Variants in HYDIN observed in about 807,000 individuals in gnomAD.
HYDIN encodes the protein axonemal central pair apparatus protein HYDIN.
A neutral mutation model predicts 403.9 loss-of-function variants in HYDIN; 132 were observed. That is an observed-to-expected ratio of 0.33 (90% CI 0.28 to 0.38). HYDIN has a LOEUF of 0.38. Ranked by LOEUF, HYDIN falls within the 10% of genes least tolerant of loss-of-function variation. The probability of loss-of-function intolerance (pLI) is 1.00; values close to 1 mark genes in which losing one functional copy is unlikely to be tolerated. For missense variants in HYDIN, 2,827 were observed against 5,009.5 expected, an observed-to-expected ratio of 0.56 and a Z score of 13.15; for synonymous variants, 1,202 against 1,891.7, an observed-to-expected ratio of 0.64 and a Z score of 9.46.
rs571695538 is a variant in HYDIN, at chr16:70,816,250, A to C, written c.14658+2092T>G. 9.3e-3 allele frequency among the ~76,000 whole-genome samples: 1,413 copies of C among 152,306 alleles called. 13 individuals carry two copies. Among genetic ancestry groups the C allele is most frequent in the Middle Eastern group, 0.088 (26 of 294 alleles). On this transcript the variant is annotated intron_variant, in intron 84 of 85. Transcript: ENST00000393567. ...ACACATTCTAGAGAACTGAAATAATATAGAATATGTTCTCAGATCACAAAG... is the reference window on the plus strand; with the variant it reads ...ACACATTCTAGAGAACTGAAATAATCTAGAATATGTTCTCAGATCACAAAG...
At chr16:71,105,177 C>G (rs1370065200) in intron 10 of HYDIN, among the ~76,000 whole-genome samples, 3 of 151,774 alleles carry the variant, frequency 2.0e-5, no homozygotes, top group African/African-American at 7.3e-5. Flanking sequence ...GATGAATACA[C>G]TGAAGAGTAG....
Position 70,920,608 on chromosome 16 carries a change from G to A in HYDIN, c.7768C>T (p.Leu2590Phe). 8.1e-6 allele frequency: 13 copies of A among 1,613,346 alleles called. No homozygotes were observed. Among genetic ancestry groups the A allele is most frequent in the Non-Finnish European group, 1.0e-5 (12 of 1,179,600 alleles). ...SWKQALESDK[L>F]PKGEQILDIL... ...GTCCATACCTGCTCTCCTTTGGGAA[G>A]CTTGTCGCTCTCTAGGGCCTGCTTC... is the stretch of plus-strand genomic sequence containing the variant. The change falls in exon 46 of 86, where the codon CTT becomes TTT. Residue 2590 changes from leucine (L) to phenylalanine (F), a missense_variant. Transcript: ENST00000393567.
intron 52 of HYDIN, among the ~76,000 whole-genome samples, chr16:70,902,821 A>ATT (rs60618592): frequency 5.9e-4 from 28 of 47,308 alleles, no homozygotes; most frequent in Admixed American, 2.5e-3. Context: ...ATATATATAT[A>ATT]TTTTTTTTTT....
In HYDIN at chr16:70,955,420, T is replaced by C. The variant is rs1451774039; in HGVS notation, c.6271A>G (p.Ile2091Val). 3.1e-6 allele frequency: 5 copies of C among 1,613,944 alleles called. No homozygotes were observed. The East Asian group carries it at 6.7e-5, about 22-fold the overall frequency. The change falls in exon 40 of 86, where the codon ATC becomes GTC. Residue 2091 changes from isoleucine (I) to valine (V), a missense_variant. Transcript: ENST00000393567. ...ACGGACTGCTCTATGGCAGCCCTGA[T>C]GCAGAGCTCACGGGCCCGGATCCCT... ...IPGIRARELC[I>V]RAAIEQSVKE...
intron 75 of HYDIN, among the ~76,000 whole-genome samples, chr16:70,843,656 C>A (rs537229692): frequency 9.3e-6 from 1 of 107,206 alleles, no homozygotes; most frequent in Non-Finnish European, 1.8e-5. Context: ...TACAGTCCCA[C>A]CAACAGTGTA....
At chr16:70,870,605 G>C (rs2143649414) in intron 65 of HYDIN, among the ~76,000 whole-genome samples, 1 of 152,210 alleles carries the variant, frequency 6.6e-6, no homozygotes, top group Non-Finnish European at 1.5e-5. Context: ...AATTGAGGTT[G>C]GGAACCTCCA....
At chr16:70,887,572 A>G (rs112673370) in intron 58 of HYDIN, among the ~76,000 whole-genome samples, 6 of 152,336 alleles carry the variant, frequency 3.9e-5, no homozygotes, top group African/African-American at 1.4e-4. Flanking sequence ...GAACTATAAG[A>G]TAAAAAATGT....
chr16:70,911,884 G>A (rs1354932259), intron 47 of HYDIN, among the ~76,000 whole-genome samples: 3 of 149,086 alleles, frequency 2.0e-5, no homozygotes, highest in African/African-American at 7.8e-5. Flanking sequence ...TTGTAAAAGA[G>A]GTTGAGTTAT....
At position 71,128,100 on chromosome 16, in the gene HYDIN, G is replaced by A. The variant is rs897974446; in HGVS notation, c.1227+1540C>T. Among the ~76,000 whole-genome samples, 4 of 152,070 alleles carry A rather than the reference G, an allele frequency of 2.6e-5. No homozygotes were observed. The Middle Eastern group carries it at 0.01, about 388-fold the overall frequency. ...ATTCTCCAAAAGGCCTGTCCTGTGA[G>A]ACTCAGGCCCAGGTTCTTCTCTCAA... On this transcript the variant is annotated intron_variant, in intron 9 of 85. Transcript: ENST00000393567.
intron 9 of HYDIN, among the ~76,000 whole-genome samples, chr16:71,129,323 G>A (rs2084609483): frequency 1.3e-5 from 2 of 150,714 alleles, no homozygotes. Context: ...ATCCTCATCT[G>A]TTGAATGGGA....
At chr16:71,004,302 G>A (rs190740922) in intron 23 of HYDIN, among the ~76,000 whole-genome samples, 1,482 of 129,390 alleles carry the variant, frequency 0.011, 26 homozygotes, top group African/African-American at 0.043. Flanking sequence ...CAACAAGAGC[G>A]AAACTCCATT....
intron 84 of HYDIN, among the ~76,000 whole-genome samples, chr16:70,813,791 CCAGCAGAA>C (rs2035658789): frequency 6.7e-6 from 1 of 148,662 alleles, no homozygotes; most frequent in African/African-American, 2.5e-5. Context: ...CTAAGATACT[CCAGCAGAA>C]CAACAATATA....
intron 7 of HYDIN, among the ~76,000 whole-genome samples, chr16:71,138,006 A>T (rs1386413600): frequency 6.6e-6 from 1 of 151,838 alleles, no homozygotes; most frequent in African/African-American, 2.4e-5. Context: ...TGTATTAAAA[A>T]TTTAAAAATT....
At chr16:71,220,995 G>C (rs990669283) in intron 1 of HYDIN, among the ~76,000 whole-genome samples, 1 of 152,086 alleles carries the variant, frequency 6.6e-6, no homozygotes, top group African/African-American at 2.4e-5. Flanking sequence ...GACCAAGAAA[G>C]GTAAGTGGAG....
At chr16:71,082,367 T>G (rs1048050872) in intron 12 of HYDIN, among the ~76,000 whole-genome samples, 4 of 152,064 alleles carry the variant, frequency 2.6e-5, no homozygotes, top group Admixed American at 2.6e-4. Flanking sequence ...TGCAACACTA[T>G]TGGACAAATG....
chr16:71,185,383 G>T (rs1597976940), intron 2 of HYDIN, among the ~76,000 whole-genome samples: 1 of 152,148 alleles, frequency 6.6e-6, no homozygotes, highest in East Asian at 1.9e-4. Flanking sequence ...CCAGGAGTTT[G>T]AAATACCTCT....
chr16:70,899,593 T>C (rs2076304518), intron 53 of HYDIN, among the ~76,000 whole-genome samples: 1 of 152,188 alleles, frequency 6.6e-6, no homozygotes, highest in Non-Finnish European at 1.5e-5. Flanking sequence ...ACCCAGTATA[T>C]GCTAATTTGT....
chr16:70,946,130 G>C (rs2077852932), intron 41 of HYDIN, among the ~76,000 whole-genome samples: 1 of 143,792 alleles, frequency 7.0e-6, no homozygotes, highest in Admixed American at 7.1e-5. Context: ...AGAAGGGGTG[G>C]GGCTGGGTGC....
At chr16:71,066,047 G>A (rs2082253059) in intron 15 of HYDIN, among the ~76,000 whole-genome samples, 2 of 152,032 alleles carry the variant, frequency 1.3e-5, no homozygotes, top group Admixed American at 1.3e-4. Flanking sequence ...TACTGTGACT[G>A]AGAGGGCTTA....
Sources: gnomAD v4.1 joint callset for allele counts (sites outside exome capture counted in the v4.1 genomes callset) on GRCh38, gnomAD v4.1.1 for gene constraint, MANE v1.5 for transcripts, NCBI Gene and HGNC (gene_info 2026-07-23, HGNC 2026-07-21) for gene names.